Variants in MED27 observed in about 807,000 individuals in gnomAD.
MED27 encodes mediator complex subunit 27, also known as mediator of RNA polymerase II transcription subunit 27.
In MED27, 30 loss-of-function variants were observed where a neutral mutation model predicts 38.2. That is an observed-to-expected ratio of 0.79 (90% CI 0.59 to 1.07). The LOEUF (loss-of-function observed/expected upper bound fraction) is 1.07. MED27 is among the 50% of genes least tolerant of loss of function. MED27 has a pLI of 0.00. For missense variants in MED27, 289 were observed against 397.5 expected (o/e 0.73, Z 2.32); for synonymous variants, 122 against 153.5 (o/e 0.79, Z 1.52).
chr9:131,871,482 A>G (rs1313191185), intron 6 of MED27, among the ~76,000 whole-genome samples: 1 of 152,162 alleles, frequency 6.6e-6, no homozygotes. Flanking sequence ...CTTGAAGGGG[A>G]AAAGTTAAGA....
chr9:131,962,260 G>A (rs916643659), intron 3 of MED27, among the ~76,000 whole-genome samples: 6 of 152,108 alleles, frequency 3.9e-5, no homozygotes, highest in East Asian at 1.9e-4. Context: ...TTTTTGAGAC[G>A]GGGTCTGACT....
intron 3 of MED27, among the ~76,000 whole-genome samples, chr9:131,973,772 A>G (rs1831540030): frequency 6.6e-6 from 1 of 151,842 alleles, no homozygotes; most frequent in African/African-American, 2.4e-5. Flanking sequence ...CAGTGGCGTG[A>G]TCTTGGCTCA....
At chr9:132,048,681 G>A (rs1229634795) in intron 2 of MED27, among the ~76,000 whole-genome samples, 4 of 152,138 alleles carry the variant, frequency 2.6e-5, no homozygotes, top group Non-Finnish European at 2.9e-5. Context: ...CTGTCAGCTC[G>A]GTTCATCAAC....
intron 5 of MED27, among the ~76,000 whole-genome samples, chr9:131,887,828 T>C (rs970808561): frequency 2.0e-5 from 3 of 152,144 alleles, no homozygotes; most frequent in Non-Finnish European, 4.4e-5. Context: ...AAGTCAACCT[T>C]GTGGTAATTG....
Position 131,894,009 on chromosome 9 carries a change from A to G in MED27, c.574-17T>C, listed in dbSNP as rs1275948350. On this transcript the variant is annotated splice_polypyrimidine_tract_variant and intron_variant, in intron 4 of 7. Transcript: ENST00000292035. ...CAAGGTCACCTGCCAAAACACATGT[A>G]AGCTGACACTTGAACACGCAAATCA... 2 of 1,601,404 alleles carry G rather than the reference A, an allele frequency of 1.2e-6. No individual in the cohort carries two copies. Among genetic ancestry groups the G allele is most frequent in the East Asian group, 4.5e-5 (2 of 44,822 alleles).
At chr9:132,033,171 T>C (rs778814007) in intron 2 of MED27, among the ~76,000 whole-genome samples, 2 of 152,240 alleles carry the variant, frequency 1.3e-5, no homozygotes, top group Non-Finnish European at 2.9e-5. Flanking sequence ...TACACAATTA[T>C]GAAGGCAATC....
intron 2 of MED27, among the ~76,000 whole-genome samples, chr9:132,057,303 G>A (rs921695775): frequency 6.6e-6 from 1 of 152,196 alleles, no homozygotes; most frequent in African/African-American, 2.4e-5. Flanking sequence ...TAGCCTTAGC[G>A]TCCTCATCCG....
At chr9:131,977,305 T>C (rs901341357) in intron 3 of MED27, among the ~76,000 whole-genome samples, 1 of 152,142 alleles carries the variant, frequency 6.6e-6, no homozygotes, top group Non-Finnish European at 1.5e-5. Context: ...GCCTGGTTTG[T>C]GGGAAGTAGT....
At chr9:131,981,072 T>C (rs1039843161) in intron 3 of MED27, among the ~76,000 whole-genome samples, 39 of 152,250 alleles carry the variant, frequency 2.6e-4, no homozygotes, top group African/African-American at 9.4e-4. Flanking sequence ...GTATCATTTC[T>C]TGAAGCAGCA....
chr9:131,976,942 G>A (rs1339356111), intron 3 of MED27, among the ~76,000 whole-genome samples: 1 of 152,108 alleles, frequency 6.6e-6, no homozygotes, highest in Non-Finnish European at 1.5e-5. Context: ...ATCACAACAC[G>A]GTTATTTCAA....
intron 6 of MED27, among the ~76,000 whole-genome samples, chr9:131,879,758 A>G (rs568675842): frequency 7.7e-4 from 117 of 152,326 alleles, no homozygotes; most frequent in Non-Finnish European, 1.2e-3. Context: ...GCAAACAGGC[A>G]GAGCAGGTGG....
intron 1 of MED27, 59 bp from the exon 2 acceptor site, chr9:132,077,645 C>T: frequency 6.4e-7 from 1 of 1,571,576 alleles, no homozygotes; most frequent in Non-Finnish European, 8.7e-7. Context: ...CAGGGTAAAG[C>T]CAGCCCCCAG....
At chr9:132,068,714 G>A (rs1333649739) in intron 2 of MED27, among the ~76,000 whole-genome samples, 1 of 151,832 alleles carries the variant, frequency 6.6e-6, no homozygotes, top group Non-Finnish European at 1.5e-5. Context: ...GTGGGGGTGA[G>A]GATTTCAGTT....
chr9:131,904,949 C>T (rs555738193), intron 4 of MED27, among the ~76,000 whole-genome samples: 12 of 152,148 alleles, frequency 7.9e-5, no homozygotes, highest in Admixed American at 2.6e-4. Flanking sequence ...TATCTCATCT[C>T]GTCTCCCTTT....
Position 131,872,964 on chromosome 9 carries a change from A to G in MED27, c.724-9824T>C, listed in dbSNP as rs1035638661. Among the ~76,000 whole-genome samples, 3 of 152,378 alleles carry G rather than the reference A, an allele frequency of 2.0e-5. No individual in the cohort carries two copies. Among genetic ancestry groups the G allele is most frequent in the East Asian group, 1.9e-4 (1 of 5,192 alleles). Reference sequence around the variant, plus strand: ...GCTCAGCCAGACTTTGGAGCACTCAAGTAGCAGGCAGCAAAGCCAAACGTG... The same window carrying G: ...GCTCAGCCAGACTTTGGAGCACTCAGGTAGCAGGCAGCAAAGCCAAACGTG... On this transcript the variant is annotated intron_variant, in intron 6 of 7. Coordinates refer to ENST00000292035, the MANE Select transcript of MED27 (RefSeq NM_004269.4). This position sits in a 1 kb window ranked among gnomAD's most constrained non-coding sequence, Gnocchi z 5.6.
At chr9:131,952,999 T>C (rs1217901800) in intron 3 of MED27, among the ~76,000 whole-genome samples, 1 of 152,144 alleles carries the variant, frequency 6.6e-6, no homozygotes, top group African/African-American at 2.4e-5. Context: ...CCTGCTAGAG[T>C]AAGAAACATG....
chr9:131,911,047 C>T (rs1830178817), intron 4 of MED27, among the ~76,000 whole-genome samples: 2 of 152,120 alleles, frequency 1.3e-5, no homozygotes, highest in Non-Finnish European at 1.5e-5. Context: ...AATAAACATA[C>T]ATACTAATTA....
chr9:131,994,683 C>A (rs772927012), intron 3 of MED27, among the ~76,000 whole-genome samples: 28 of 152,176 alleles, frequency 1.8e-4, no homozygotes, highest in Middle Eastern at 3.4e-3. Context: ...TTTTTTCTAT[C>A]CCAGTCAAAA....
intron 3 of MED27, among the ~76,000 whole-genome samples, chr9:131,974,295 G>T (rs180940141): frequency 9.4e-4 from 143 of 152,342 alleles, no homozygotes; most frequent in Middle Eastern, 6.8e-3. Context: ...GTTAGTTTAA[G>T]TTAGTCAGTT....
Sources: allele counts gnomAD v4.1 joint callset (sites outside exome capture counted in the v4.1 genomes callset), GRCh38; gene constraint gnomAD v4.1.1; non-coding constraint Gnocchi (gnomAD v3.1); transcripts MANE v1.5; gene names NCBI Gene and HGNC (gene_info 2026-07-23, HGNC 2026-07-21).